STK32B: variants seen among roughly 807,000 people sequenced by gnomAD.
STK32B encodes serine/threonine-protein kinase 32B.
Under a neutral mutation model 52.6 loss-of-function variants are expected in STK32B, and 43 were observed. That is an observed-to-expected ratio of 0.82 (90% CI 0.64 to 1.05). STK32B has a LOEUF of 1.05. Among genes scored for constraint, STK32B ranks in the 50% least tolerant of loss-of-function variants. The pLI is 0.00. For missense variants in STK32B, 621 were observed against 534.6 expected (o/e 1.16, Z -1.59); for synonymous variants, 238 against 204.3 (o/e 1.17, Z -1.41).
intron 2 of STK32B, among the ~76,000 whole-genome samples, chr4:5,157,657 C>G (rs1487883559): frequency 6.6e-6 from 1 of 152,222 alleles, no homozygotes; most frequent in Non-Finnish European, 1.5e-5. Context: ...GGCTGTGTAT[C>G]TCCAGTGCCC....
At chr4:5,080,476 G>C (rs1300739986) in intron 1 of STK32B, among the ~76,000 whole-genome samples, 2 of 152,070 alleles carry the variant, frequency 1.3e-5, no homozygotes, top group African/African-American at 4.8e-5. Context: ...GATCTTTTCT[G>C]AAACGTCAGT....
chr4:5,093,857 A>G, intron 1 of STK32B, among the ~76,000 whole-genome samples: 1 of 152,214 alleles, frequency 6.6e-6, no homozygotes, highest in East Asian at 1.9e-4. Context: ...AAACACCATG[A>G]GACCTATACA....
intron 1 of STK32B, among the ~76,000 whole-genome samples, chr4:5,100,792 A>ATTCCTTCCCTGTTCTTTCTTTCC (rs144298432): frequency 6.7e-5 from 6 of 89,324 alleles, no homozygotes; most frequent in African/African-American, 2.5e-4. Context: ...TCCTTCCTTT[A>ATTCCTTCCCTGTTCTTTCTTTCC]TTCCTTCCCC....
At chr4:5,183,247 G>T (rs1720492378) in intron 3 of STK32B, among the ~76,000 whole-genome samples, 1 of 152,132 alleles carries the variant, frequency 6.6e-6, no homozygotes, top group Non-Finnish European at 1.5e-5. Context: ...GGAACCCGAG[G>T]CAGGCAGATC....
At position 5,146,160 on chromosome 4, in the gene STK32B, G is replaced by A. The variant is rs1026252934; in HGVS notation, c.108+6200G>A. 6.6e-5 allele frequency among the ~76,000 whole-genome samples: 10 copies of A among 151,356 alleles called. No individual in the cohort carries two copies. In the South Asian group the frequency reaches 8.5e-4, roughly 13 times the overall value. On this transcript the variant is annotated intron_variant, in intron 2 of 11. Coordinates refer to ENST00000282908, the MANE Select transcript of STK32B (RefSeq NM_018401.3). ...GAGGGACAGAATTAATAGGATATATGTATATATGAAGGGGAGTTTATTAAG... is the reference window on the plus strand; with the variant it reads ...GAGGGACAGAATTAATAGGATATATATATATATGAAGGGGAGTTTATTAAG...
chr4:5,371,000 ATATATATATATG>A (rs1191573766), intron 4 of STK32B, among the ~76,000 whole-genome samples: 1 of 108,686 alleles, frequency 9.2e-6, no homozygotes, highest in Non-Finnish European at 1.8e-5. Context: ...GTGTGTGTAT[ATATATATATATG>A]TATATATATG....
intron 3 of STK32B, among the ~76,000 whole-genome samples, chr4:5,184,704 G>A (rs1362941184): frequency 5.7e-5 from 8 of 140,928 alleles, no homozygotes; most frequent in Admixed American, 7.1e-5. Context: ...AAAAGAAGAA[G>A]AAGAAGAAAA....
intron 3 of STK32B, among the ~76,000 whole-genome samples, chr4:5,266,750 G>A (rs1428819622): frequency 6.6e-6 from 1 of 152,080 alleles, no homozygotes; most frequent in Admixed American, 6.6e-5. Flanking sequence ...GTGATCTTTA[G>A]CAATTCCCCT....
the STK32B span, among the ~76,000 whole-genome samples, chr4:5,031,768 C>G: frequency 6.6e-6 from 1 of 152,118 alleles, no homozygotes; most frequent in East Asian, 1.9e-4. Flanking sequence ...ACTTAGCAGG[C>G]CTGTGATATC....
intron 2 of STK32B, among the ~76,000 whole-genome samples, chr4:5,162,912 A>G (rs1718555557): frequency 6.6e-6 from 1 of 152,200 alleles, no homozygotes; most frequent in Non-Finnish European, 1.5e-5. Context: ...CCAAAATGCT[A>G]CATCAGTTTC....
chr4:5,031,246 C>G, the STK32B span, among the ~76,000 whole-genome samples: 1 of 152,152 alleles, frequency 6.6e-6, no homozygotes, highest in Non-Finnish European at 1.5e-5. Flanking sequence ...TGGAATAATG[C>G]TTGACGAAAT....
chr4:5,176,347 G>A (rs745436858), intron 3 of STK32B, among the ~76,000 whole-genome samples: 15 of 151,976 alleles, frequency 9.9e-5, no homozygotes, highest in African/African-American at 2.7e-4. Flanking sequence ...AGATGAACCC[G>A]GTACCTCAGT....
intron 4 of STK32B, among the ~76,000 whole-genome samples, chr4:5,341,390 A>G (rs1000062809): frequency 1.3e-5 from 2 of 152,192 alleles, no homozygotes; most frequent in African/African-American, 2.4e-5. Flanking sequence ...CACATCCGCT[A>G]ATTATTCATG....
intron 3 of STK32B, among the ~76,000 whole-genome samples, chr4:5,302,993 TGTGTTTG>T (rs771456649): frequency 1.3e-5 from 2 of 151,442 alleles, no homozygotes; most frequent in African/African-American, 4.9e-5. Context: ...TGTGTGTGTG[TGTGTTTG>T]TGTGTGTATA....
intron 3 of STK32B, among the ~76,000 whole-genome samples, chr4:5,228,703 C>G (rs1203691898): frequency 6.6e-6 from 1 of 152,184 alleles, no homozygotes; most frequent in Non-Finnish European, 1.5e-5. Flanking sequence ...TGCAGTGGCT[C>G]ACACCTGTAA....
chr4:5,442,877 T>G (rs1042428040), intron 6 of STK32B, among the ~76,000 whole-genome samples: 100 of 152,298 alleles, frequency 6.6e-4, no homozygotes, highest in African/African-American at 2.3e-3. Flanking sequence ...TTAGTTTGGC[T>G]GGATATGAAA....
rs561842136 is a variant in STK32B, at chr4:5,420,136, A to G, written c.562+3202A>G. ...GGTTGGGTGACTTCCCCATGTTGAC[A>G]TTGTTGGCAAGAGTCAGACCCAGGT... On this transcript the variant is annotated intron_variant, in intron 6 of 11. Transcript: ENST00000282908. Among the ~76,000 whole-genome samples, 3 of 152,300 alleles carry G rather than the reference A, an allele frequency of 2.0e-5. No individual in the cohort carries two copies. In the South Asian group the frequency reaches 6.2e-4, roughly 32 times the overall value.
At chr4:5,165,264 A>G (rs746962080) in intron 2 of STK32B, among the ~76,000 whole-genome samples, 27 of 152,194 alleles carry the variant, frequency 1.8e-4, no homozygotes, top group Non-Finnish European at 3.2e-4. Flanking sequence ...GCTGCATCCA[A>G]TATCCTGTAT....
chr4:5,187,887 T>TG (rs1720869644), intron 3 of STK32B, among the ~76,000 whole-genome samples: 1 of 152,152 alleles, frequency 6.6e-6, no homozygotes, highest in African/African-American at 2.4e-5. Flanking sequence ...GAGTAAGTGA[T>TG]GGATGCTACT....
Sources: gnomAD v4.1 joint callset for allele counts (sites outside exome capture counted in the v4.1 genomes callset) on GRCh38, gnomAD v4.1.1 for gene constraint, MANE v1.5 for transcripts, NCBI Gene and HGNC (gene_info 2026-07-23, HGNC 2026-07-21) for gene names.